Variants in NALF1 observed in about 807,000 individuals in gnomAD.
NALF1 encodes the protein family with sequence similarity 155 member A.
In NALF1, 3 loss-of-function variants were observed where a neutral mutation model predicts 48.4. The observed-to-expected ratio is 0.06, with a 90% CI of 0.03 to 0.16. The LOEUF (loss-of-function observed/expected upper bound fraction) is 0.16, where lower values mean the gene tolerates loss of function less well. Ranked by LOEUF, NALF1 falls within the 10% of genes least tolerant of loss-of-function variation. NALF1 has a pLI of 1.00. For missense variants in NALF1, 526 were observed against 571.5 expected, an observed-to-expected ratio of 0.92 and a Z score of 0.81; for synonymous variants, 262 against 245.7, an observed-to-expected ratio of 1.07 and a Z score of -0.62.
intron 1 of NALF1, among the ~76,000 whole-genome samples, chr13:107,484,364 C>T (rs568753781): frequency 1.3e-5 from 2 of 152,242 alleles, no homozygotes; most frequent in African/African-American, 4.8e-5. Context: ...TGTTTTCAAT[C>T]ATGAGAACAT....
intron 1 of NALF1, among the ~76,000 whole-genome samples, chr13:107,262,009 T>C (rs1165277870): frequency 6.6e-6 from 1 of 152,160 alleles, no homozygotes; most frequent in Non-Finnish European, 1.5e-5. Flanking sequence ...ATTAATTTAT[T>C]TGCTATTTCT....
chr13:107,805,732 G>T (rs1041711896), intron 1 of NALF1, among the ~76,000 whole-genome samples: 20 of 152,172 alleles, frequency 1.3e-4, no homozygotes, highest in African/African-American at 3.9e-4. Flanking sequence ...AATGTACACA[G>T]AAATAAATTA....
At chr13:107,466,696 G>A (rs918188189) in intron 1 of NALF1, 3 of 152,196 alleles carry the variant, frequency 2.0e-5, no homozygotes, top group African/African-American at 4.8e-5. Context: ...CAGAAGCAGA[G>A]ATTGAGAGAG....
rs567729057 is a variant in NALF1 at position 107,509,165 on chromosome 13, GC to G, written c.916-298411del. On this transcript the variant is annotated intron_variant, in intron 1 of 2. Coordinates refer to ENST00000375915, the MANE Select transcript of NALF1 (RefSeq NM_001080396.3). The stretch of plus-strand genomic sequence containing the variant: ...AAAGTGATTTGAGATTCTACTGTTA[GC>G]TTATATATTCTCTTTTAGTAGTATA... Among the ~76,000 whole-genome samples the G allele has an allele frequency of 1.6e-3, 249 of 152,080 alleles. 1 individual carries two copies. The highest frequency in any genetic ancestry group is 5.9e-3 in the African/African-American group (245 of 41,496).
rs1397111046 is a variant in NALF1 at position 107,170,790 on chromosome 13, T to C, written c.1088-4A>G. On this transcript the variant is annotated splice_polypyrimidine_tract_variant and splice_region_variant and intron_variant, in intron 2 of 2. Transcript: ENST00000375915. ...GTTAGAAAGGTTTCATAAAGCCCTGTAGGAAGAAGGAAGTAGAGTGTCAGC... is the reference window on the plus strand; with the variant it reads ...GTTAGAAAGGTTTCATAAAGCCCTGCAGGAAGAAGGAAGTAGAGTGTCAGC... 1.9e-6 allele frequency: 3 copies of C among 1,613,458 alleles called. No individual in the cohort carries two copies. Among genetic ancestry groups the C allele is most frequent in the South Asian group, 1.1e-5 (1 of 91,066 alleles).
chr13:107,180,108 CCTA>C (rs1450740243), intron 2 of NALF1, among the ~76,000 whole-genome samples: 5 of 151,160 alleles, frequency 3.3e-5, no homozygotes, highest in Non-Finnish European at 5.9e-5. Context: ...AATATACAGA[CCTA>C]CTATGTATCC....
chr13:107,818,729 G>A (rs1000371898), intron 1 of NALF1, among the ~76,000 whole-genome samples: 7 of 147,356 alleles, frequency 4.8e-5, no homozygotes, highest in South Asian at 2.2e-4. Context: ...AAAATTAGCC[G>A]GGCGTGGTAG....
chr13:107,444,616 C>T (rs1368449918), intron 1 of NALF1, among the ~76,000 whole-genome samples: 1 of 152,124 alleles, frequency 6.6e-6, no homozygotes, highest in Non-Finnish European at 1.5e-5. Context: ...TTTTGACGAG[C>T]TATAATAGAG....
intron 1 of NALF1, chr13:107,531,161 C>T (rs1375989623): frequency 2.4e-5 from 4 of 167,502 alleles, no homozygotes; most frequent in Middle Eastern, 6.5e-4. Context: ...TGATGGAGTC[C>T]GGATATTTGT....
intron 1 of NALF1, among the ~76,000 whole-genome samples, chr13:107,351,679 C>A (rs1391549584): frequency 1.3e-5 from 2 of 152,310 alleles, no homozygotes; most frequent in East Asian, 3.9e-4. Flanking sequence ...GCACTGGTGG[C>A]GTGCCATTCT....
chr13:107,598,591 G>T (rs1051146955), intron 1 of NALF1, among the ~76,000 whole-genome samples: 2 of 152,100 alleles, frequency 1.3e-5, no homozygotes, highest in Non-Finnish European at 2.9e-5. Flanking sequence ...GCCTTTCTCA[G>T]ACTTGTTTAT....
chr13:107,335,045 C>G (rs976901502), intron 1 of NALF1, among the ~76,000 whole-genome samples: 1 of 152,078 alleles, frequency 6.6e-6, no homozygotes, highest in East Asian at 1.9e-4. Context: ...CTGAAGTCTT[C>G]GTGATCTCCT....
chr13:107,331,730 A>G (rs1414033017), intron 1 of NALF1, among the ~76,000 whole-genome samples: 2 of 152,298 alleles, frequency 1.3e-5, no homozygotes, highest in Middle Eastern at 3.4e-3. Flanking sequence ...CAATTTTTAT[A>G]TAATAGATAT....
chr13:107,644,723 T>C (rs900363757), intron 1 of NALF1, among the ~76,000 whole-genome samples: 3 of 148,036 alleles, frequency 2.0e-5, no homozygotes, highest in Admixed American at 1.4e-4. Context: ...AAACTGTTCA[T>C]AGGTCTAAAA....
chr13:107,383,694 C>G (rs1883478504), intron 1 of NALF1, among the ~76,000 whole-genome samples: 1 of 152,136 alleles, frequency 6.6e-6, no homozygotes, highest in Non-Finnish European at 1.5e-5. Flanking sequence ...GAATAATATT[C>G]CCATTCCTTG....
intron 1 of NALF1, among the ~76,000 whole-genome samples, chr13:107,607,224 G>C (rs138086946): frequency 2.6e-5 from 4 of 152,184 alleles, no homozygotes; most frequent in Admixed American, 2.0e-4. Context: ...AATTCTAATT[G>C]AACAAAAATA....
intron 1 of NALF1, among the ~76,000 whole-genome samples, chr13:107,309,844 A>G (rs1167133360): frequency 6.6e-6 from 1 of 152,216 alleles, no homozygotes; most frequent in African/African-American, 2.4e-5. Context: ...TGTTGATGGT[A>G]GTACTGAGTG....
intron 1 of NALF1, among the ~76,000 whole-genome samples, chr13:107,558,909 T>TA (rs1877560511): frequency 6.6e-6 from 1 of 152,152 alleles, no homozygotes; most frequent in Non-Finnish European, 1.5e-5. Flanking sequence ...TCCCAGTTCT[T>TA]AGACTTTTGG....
intron 1 of NALF1, among the ~76,000 whole-genome samples, chr13:107,584,460 A>G (rs1878397797): frequency 6.6e-6 from 1 of 152,172 alleles, no homozygotes; most frequent in Non-Finnish European, 1.5e-5. Context: ...TCATCAATTT[A>G]CACCTGCAGT....
Sources: gnomAD v4.1 joint callset for allele counts (sites outside exome capture counted in the v4.1 genomes callset) on GRCh38, gnomAD v4.1.1 for gene constraint, MANE v1.5 for transcripts, NCBI Gene and HGNC (gene_info 2026-07-23, HGNC 2026-07-21) for gene names.